Variants in C3orf49 observed in about 807,000 individuals in gnomAD.
C3orf49 encodes the protein putative uncharacterized protein C3orf49.
A neutral mutation model predicts 13.3 loss-of-function variants in C3orf49; 27 were observed. That is an observed-to-expected ratio of 2.02 (90% CI 1.49 to 2.79). The LOEUF (loss-of-function observed/expected upper bound fraction) is 2.79. Ranked by LOEUF, C3orf49 falls within the 30% of genes most tolerant of loss-of-function variation. The pLI, the probability that C3orf49 is intolerant of heterozygous loss-of-function variation, is 0.00. For synonymous variants in C3orf49, 87 were observed against 47.6 expected (o/e 1.83, Z -3.40); for missense variants, 242 against 134.2 (o/e 1.80, Z -3.97).
At chr3:63,783,847 G>A in the C3orf49 span, among the ~76,000 whole-genome samples, 7 of 152,176 alleles carry the variant, frequency 4.6e-5, no homozygotes, top group African/African-American at 1.7e-4. Context: ...CTGTGGTCTA[G>A]CTGAATGCTG....
chr3:63,787,927 T>A, the C3orf49 span, among the ~76,000 whole-genome samples: 1 of 152,184 alleles, frequency 6.6e-6, no homozygotes, highest in Non-Finnish European at 1.5e-5. Flanking sequence ...ATCCGCTTTA[T>A]TCCCTTCTCT....
chr3:63,811,544 C>A, the C3orf49 span, among the ~76,000 whole-genome samples: 1 of 142,868 alleles, frequency 7.0e-6, no homozygotes, highest in Admixed American at 7.2e-5. Context: ...GGTGACAGAG[C>A]AAGGCTCTGT....
chr3:63,826,981 G>C (rs1701471103), intron 2 of C3orf49: 1 of 151,974 alleles, frequency 6.6e-6, no homozygotes, highest in Non-Finnish European at 1.5e-5. Context: ...AGTAACCTCA[G>C]GTTTAGTGCC....
chr3:63,825,299 G>A (rs1701452232), intron 2 of C3orf49, among the ~76,000 whole-genome samples: 1 of 151,390 alleles, frequency 6.6e-6, no homozygotes, highest in African/African-American at 2.4e-5. Context: ...ACTGATGTGT[G>A]CTTTTTCCAG....
the C3orf49 span, among the ~76,000 whole-genome samples, chr3:63,810,630 G>A: frequency 5.9e-5 from 9 of 152,176 alleles, no homozygotes; most frequent in Non-Finnish European, 1.2e-4. Context: ...GTCAATGACG[G>A]CTTATATCTG....
chr3:63,802,324 AAAAC>A, the C3orf49 span, among the ~76,000 whole-genome samples: 1 of 152,246 alleles, frequency 6.6e-6, no homozygotes, highest in Admixed American at 6.5e-5. Flanking sequence ...AGTCTTTTGC[AAAAC>A]AAACAAGCAT....
At chr3:63,830,475 T>C (rs1487924188) in intron 3 of C3orf49, among the ~76,000 whole-genome samples, 20 of 151,930 alleles carry the variant, frequency 1.3e-4, no homozygotes, top group Admixed American at 1.3e-3. Context: ...ATAGTCCTAA[T>C]GCTAATTATT....
At chr3:63,841,932 ATT>A in intron 5 of C3orf49, among the ~76,000 whole-genome samples, 1 of 151,894 alleles carries the variant, frequency 6.6e-6, no homozygotes, top group Non-Finnish European at 1.5e-5. Flanking sequence ...AAGAAATACC[ATT>A]TTTTTTGCTA....
At chr3:63,805,469 T>A in the C3orf49 span, among the ~76,000 whole-genome samples, 2 of 152,254 alleles carry the variant, frequency 1.3e-5, no homozygotes. Context: ...GTTACCATAC[T>A]GCAGTTTCAC....
chr3:63,843,772 G>C (rs1016962564), intron 5 of C3orf49, among the ~76,000 whole-genome samples: 3 of 152,034 alleles, frequency 2.0e-5, no homozygotes, highest in Non-Finnish European at 4.4e-5. Context: ...ATGGTGGCTG[G>C]TGCCTGTAGT....
At chr3:63,838,204 T>C in intron 5 of C3orf49, 2 of 909,724 alleles carry the variant, frequency 2.2e-6, no homozygotes, top group East Asian at 2.7e-5. Context: ...CCCAAAGTAC[T>C]ATATCATCTT....
chr3:63,843,151 C>T (rs1000374389), intron 5 of C3orf49, among the ~76,000 whole-genome samples: 1 of 151,782 alleles, frequency 6.6e-6, no homozygotes, highest in African/African-American at 2.4e-5. Flanking sequence ...CAGAGTCTCA[C>T]TCTTTCATCC....
At chr3:63,807,713 C>T in the C3orf49 span, among the ~76,000 whole-genome samples, 3 of 151,412 alleles carry the variant, frequency 2.0e-5, no homozygotes, top group African/African-American at 4.8e-5. Flanking sequence ...AAAAATTAGT[C>T]GGGCGTGGTG....
At chr3:63,807,096 C>T in the C3orf49 span, among the ~76,000 whole-genome samples, 467 of 152,060 alleles carry the variant, frequency 3.1e-3, 2 homozygotes, top group Non-Finnish European at 5.6e-3. Context: ...GGACTACAGG[C>T]GCCCACCACC....
At chr3:63,797,173 T>C in the C3orf49 span, among the ~76,000 whole-genome samples, 2 of 152,256 alleles carry the variant, frequency 1.3e-5, no homozygotes, top group South Asian at 4.1e-4. Flanking sequence ...TCTTATCCTG[T>C]TCCTCTATAG....
chr3:63,810,023 G>A, the C3orf49 span, among the ~76,000 whole-genome samples: 1 of 151,904 alleles, frequency 6.6e-6, no homozygotes, highest in Admixed American at 6.6e-5. Context: ...GGTGGTGCCT[G>A]TAATCCCAGT....
the C3orf49 span, chr3:63,786,192 C>G: frequency 6.6e-6 from 1 of 152,116 alleles, no homozygotes; most frequent in Non-Finnish European, 1.5e-5. Flanking sequence ...GAGCCCATTC[C>G]CACTCCCCTG....
At chr3:63,795,922 T>C in the C3orf49 span, among the ~76,000 whole-genome samples, 1 of 152,088 alleles carries the variant, frequency 6.6e-6, no homozygotes, top group Non-Finnish European at 1.5e-5. Context: ...ACCTCCAAAA[T>C]ATATGCAAAC....
At chr3:63,791,462 G>T in the C3orf49 span, among the ~76,000 whole-genome samples, 3 of 152,176 alleles carry the variant, frequency 2.0e-5, no homozygotes, top group African/African-American at 7.2e-5. Flanking sequence ...GGTGAGCTCA[G>T]GTTCAGTTAG....
Sources: gnomAD v4.1 joint callset for allele counts (sites outside exome capture counted in the v4.1 genomes callset) on GRCh38, gnomAD v4.1.1 for gene constraint, MANE v1.5 for transcripts, NCBI Gene and HGNC (gene_info 2026-07-23, HGNC 2026-07-21) for gene names.